The following CSMD3 variants were observed in gnomAD, a reference collection of about 807,000 sequenced individuals.
CSMD3 encodes the protein CUB and sushi domain-containing protein 3.
Under a neutral mutation model 435.2 loss-of-function variants are expected in CSMD3, and 177 were observed. The observed-to-expected ratio is 0.41, with a 90% confidence interval of 0.36 to 0.46. The LOEUF is 0.46. CSMD3 is among the 20% of genes least tolerant of loss of function. CSMD3 has a pLI of 0.34. For synonymous variants in CSMD3, 1,656 were observed against 1,520.5 expected (o/e 1.09, Z -2.07); for missense variants, 4,265 against 4,504.6 (o/e 0.95, Z 1.52).
chr8:113,291,792 G>A (rs2093688119), intron 2 of CSMD3, among the ~76,000 whole-genome samples: 1 of 151,840 alleles, frequency 6.6e-6, no homozygotes, highest in Admixed American at 6.6e-5. Context: ...TTTGAACTAG[G>A]TGTGTATTCT....
chr8:113,432,584 C>T (rs1215851892), intron 1 of CSMD3, among the ~76,000 whole-genome samples: 1 of 152,206 alleles, frequency 6.6e-6, no homozygotes, highest in Admixed American at 6.5e-5. Flanking sequence ...GGGCTGCCCT[C>T]CTGCTGGCCT....
intron 35 of CSMD3, among the ~76,000 whole-genome samples, chr8:112,394,258 G>T (rs146384213): frequency 6.6e-6 from 1 of 152,070 alleles, no homozygotes; most frequent in Non-Finnish European, 1.5e-5. Context: ...ATATCCCAAA[G>T]CTTACTAATT....
intron 59 of CSMD3, among the ~76,000 whole-genome samples, chr8:112,277,095 A>G (rs2130537433): frequency 6.6e-6 from 1 of 152,248 alleles, no homozygotes; most frequent in Non-Finnish European, 1.5e-5. Context: ...TTACTTTCAC[A>G]AATTTCTACA....
intron 38 of CSMD3, among the ~76,000 whole-genome samples, chr8:112,356,478 T>C (rs1339700298): frequency 1.3e-5 from 2 of 151,912 alleles, no homozygotes; most frequent in African/African-American, 2.4e-5. Context: ...TGGATGAAGA[T>C]TGAAACAACA....
intron 12 of CSMD3, among the ~76,000 whole-genome samples, chr8:112,807,484 C>T (rs1443311800): frequency 7.4e-6 from 1 of 134,304 alleles, no homozygotes; most frequent in African/African-American, 2.9e-5. Flanking sequence ...AGTTGCAATT[C>T]TTGATAGGTA....
intron 5 of CSMD3, among the ~76,000 whole-genome samples, chr8:113,020,138 C>G (rs1421451181): frequency 7.2e-6 from 1 of 138,348 alleles, no homozygotes; most frequent in Non-Finnish European, 1.5e-5. Context: ...AGTCCGCAGT[C>G]CGGCCTGGGC....
At chr8:112,971,312 C>G (rs773282656) in intron 7 of CSMD3, among the ~76,000 whole-genome samples, 6 of 152,102 alleles carry the variant, frequency 3.9e-5, no homozygotes, top group Non-Finnish European at 8.8e-5. Context: ...CATCCTATGA[C>G]ACAGGTGTTC....
At chr8:112,392,360 T>C (rs1830494046) in intron 35 of CSMD3, among the ~76,000 whole-genome samples, 1 of 147,938 alleles carries the variant, frequency 6.8e-6, no homozygotes, top group Non-Finnish European at 1.5e-5. Flanking sequence ...TTTAAAATAG[T>C]GTGACAATAT....
At chr8:112,704,409 A>G (rs1563874664) in intron 13 of CSMD3, among the ~76,000 whole-genome samples, 1 of 152,134 alleles carries the variant, frequency 6.6e-6, no homozygotes, top group Admixed American at 6.6e-5. Flanking sequence ...TGCACTGAGT[A>G]TTTATCACAA....
intron 5 of CSMD3, among the ~76,000 whole-genome samples, chr8:113,044,878 ACTAG>A (rs974050561): frequency 6.7e-6 from 1 of 148,878 alleles, no homozygotes; most frequent in African/African-American, 2.4e-5. Context: ...AGAGTGTGAA[ACTAG>A]TTAGGATGCT....
At chr8:112,475,546 A>G (rs1452842365) in intron 31 of CSMD3, among the ~76,000 whole-genome samples, 1 of 152,136 alleles carries the variant, frequency 6.6e-6, no homozygotes, top group Non-Finnish European at 1.5e-5. Context: ...GTTATTATAA[A>G]TAAGGGAAAA....
chr8:112,904,097 T>G (rs979471742), intron 10 of CSMD3, among the ~76,000 whole-genome samples: 8 of 151,306 alleles, frequency 5.3e-5, no homozygotes, highest in African/African-American at 1.9e-4. Context: ...CCCAGAGACA[T>G]GATGTTTAGC....
intron 2 of CSMD3, among the ~76,000 whole-genome samples, chr8:113,293,953 T>G (rs976907610): frequency 2.0e-5 from 3 of 152,092 alleles, no homozygotes; most frequent in African/African-American, 7.2e-5. Context: ...TTATTTTTCT[T>G]GAGTAAAAAA....
chr8:113,013,855 A>G (rs892889794), intron 6 of CSMD3, among the ~76,000 whole-genome samples: 4 of 152,108 alleles, frequency 2.6e-5, no homozygotes, highest in African/African-American at 9.6e-5. Context: ...TATATTCCAT[A>G]GTATAGTTTG....
chr8:112,823,262 C>T (rs758305585), intron 12 of CSMD3, among the ~76,000 whole-genome samples: 5 of 152,100 alleles, frequency 3.3e-5, no homozygotes, highest in Admixed American at 6.5e-5. Flanking sequence ...TCCATCTGGT[C>T]CTGGGCTTTT....
At chr8:112,983,199 A>G (rs1373365992) in intron 6 of CSMD3, among the ~76,000 whole-genome samples, 1 of 151,836 alleles carries the variant, frequency 6.6e-6, no homozygotes, top group Non-Finnish European at 1.5e-5. Flanking sequence ...GAAAGAAAAA[A>G]TAAGAGCAGT....
At chr8:113,073,585 T>G (rs534751185) in intron 5 of CSMD3, among the ~76,000 whole-genome samples, 10 of 151,950 alleles carry the variant, frequency 6.6e-5, no homozygotes, top group African/African-American at 2.2e-4. Context: ...TGTGCCATGA[T>G]TAGTAAAATC....
intron 27 of CSMD3, among the ~76,000 whole-genome samples, chr8:112,546,224 C>T (rs576050235): frequency 1.3e-5 from 2 of 152,198 alleles, no homozygotes; most frequent in African/African-American, 4.8e-5. Context: ...AAATGTCATG[C>T]CAAAGTGTTG....
rs540665205 is a variant in CSMD3, at chr8:112,227,860, G to C, written c.10964+896C>G. ...GATCGAGACCATCCTGGCTAACACGGTGAAACCCCGTCTCTACTAAAAATA... is the reference window on the plus strand; with the variant it reads ...GATCGAGACCATCCTGGCTAACACGCTGAAACCCCGTCTCTACTAAAAATA... On this transcript the variant is annotated intron_variant, in intron 70 of 70. Transcript: ENST00000297405. Among the ~76,000 whole-genome samples, 13 of 152,166 alleles carry C rather than the reference G, an allele frequency of 8.5e-5. No homozygotes were observed. In the South Asian group the frequency reaches 1.0e-3, roughly 12 times the overall value.
Sources: gnomAD v4.1 joint callset for allele counts (sites outside exome capture counted in the v4.1 genomes callset) on GRCh38, gnomAD v4.1.1 for gene constraint, MANE v1.5 for transcripts, NCBI Gene and HGNC (gene_info 2026-07-23, HGNC 2026-07-21) for gene names.